RARB: variants seen among roughly 807,000 people sequenced by gnomAD.
RARB encodes the protein HBV-activated protein.
In RARB, 17 loss-of-function variants were observed where a neutral mutation model predicts 51.9. That is an observed-to-expected ratio of 0.33 (90% CI 0.22 to 0.49). RARB has a LOEUF of 0.49. Among genes scored for constraint, RARB ranks in the 20% least tolerant of loss-of-function variants. RARB has a pLI of 0.99. For missense variants in RARB, 369 were observed against 550.8 expected (o/e 0.67, Z 3.30); for synonymous variants, 215 against 195.4 (o/e 1.10, Z -0.84).
intron 3 of RARB, among the ~76,000 whole-genome samples, chr3:25,540,885 C>T (rs892690502): frequency 1.1e-5 from 1 of 93,920 alleles, no homozygotes; most frequent in Non-Finnish European, 1.9e-5. Context: ...GGGGCTTCCT[C>T]CTTAATGGCT....
chr3:25,464,202 A>G (rs1314007754), intron 2 of RARB, among the ~76,000 whole-genome samples: 1 of 152,168 alleles, frequency 6.6e-6, no homozygotes, highest in Non-Finnish European at 1.5e-5. Flanking sequence ...ACCTGCTCTC[A>G]TCATTATCCA....
At chr3:24,860,026 C>A (rs557192355) in intron 2 of RARB, among the ~76,000 whole-genome samples, 2 of 152,258 alleles carry the variant, frequency 1.3e-5, no homozygotes, top group Admixed American at 6.5e-5. Context: ...GCTGACCTAC[C>A]TTTACATCAA....
intron 5 of RARB, among the ~76,000 whole-genome samples, chr3:25,585,110 C>A (rs139076244): frequency 3.4e-4 from 52 of 152,250 alleles, no homozygotes; most frequent in Non-Finnish European, 6.3e-4. Flanking sequence ...AAAGTTACTT[C>A]CCTCTCTGAG....
chr3:25,490,247 A>G (rs1696665252), intron 2 of RARB, among the ~76,000 whole-genome samples: 1 of 152,178 alleles, frequency 6.6e-6, no homozygotes, highest in African/African-American at 2.4e-5. Context: ...CCTGAAAATT[A>G]AATAGACTTG....
chr3:25,487,512 T>G (rs536092020), intron 2 of RARB, among the ~76,000 whole-genome samples: 1 of 151,506 alleles, frequency 6.6e-6, no homozygotes, highest in Admixed American at 6.6e-5. Context: ...GGACACCTAA[T>G]GCGGAATGGT....
chr3:25,219,486 C>T (rs1701900350), intron 5 of RARB, among the ~76,000 whole-genome samples: 1 of 152,110 alleles, frequency 6.6e-6, no homozygotes, highest in Non-Finnish European at 1.5e-5. Flanking sequence ...CAAAAATCAA[C>T]AATTTGCTTT....
At chr3:25,353,152 G>C (rs1182506415) in intron 5 of RARB, among the ~76,000 whole-genome samples, 4 of 151,130 alleles carry the variant, frequency 2.6e-5, no homozygotes, top group African/African-American at 7.4e-5. Flanking sequence ...TTAGACCCAT[G>C]ATAACAGAGT....
At chr3:25,093,023 G>C (rs75495962) in intron 3 of RARB, among the ~76,000 whole-genome samples, 1 of 152,140 alleles carries the variant, frequency 6.6e-6, no homozygotes, top group African/African-American at 2.4e-5. Context: ...CCTACTTAGA[G>C]CACAGGTGTT....
chr3:25,448,628 C>T (rs1409695469), intron 1 of RARB, among the ~76,000 whole-genome samples: 3 of 152,072 alleles, frequency 2.0e-5, no homozygotes, highest in African/African-American at 7.2e-5. Context: ...CCACCACACC[C>T]AGCTAATTTT....
intron 5 of RARB, among the ~76,000 whole-genome samples, chr3:25,349,111 C>A (rs374888144): frequency 1.3e-5 from 2 of 152,176 alleles, no homozygotes; most frequent in African/African-American, 4.8e-5. Flanking sequence ...CCACACTATC[C>A]GTTACCCTTC....
At chr3:25,352,946 G>A (rs921951286) in intron 5 of RARB, among the ~76,000 whole-genome samples, 2 of 152,142 alleles carry the variant, frequency 1.3e-5, no homozygotes, top group Non-Finnish European at 2.9e-5. Flanking sequence ...TAACATAAAT[G>A]ATCATGACTA....
intron 2 of RARB, among the ~76,000 whole-genome samples, chr3:24,919,703 C>A (rs975448438): frequency 6.6e-6 from 1 of 152,322 alleles, no homozygotes; most frequent in African/African-American, 2.4e-5. Flanking sequence ...GGTATCTTTT[C>A]TAAAAGGACC....
chr3:24,890,103 TTAC>T (rs1362735347), intron 2 of RARB, among the ~76,000 whole-genome samples: 1 of 152,212 alleles, frequency 6.6e-6, no homozygotes, highest in Non-Finnish European at 1.5e-5. Flanking sequence ...TGACTTAGGC[TTAC>T]TACTATTTGT....
intron 2 of RARB, among the ~76,000 whole-genome samples, chr3:24,874,655 C>A (rs1392670263): frequency 6.6e-6 from 1 of 151,832 alleles, no homozygotes; most frequent in Non-Finnish European, 1.5e-5. Context: ...CTATTTTCTA[C>A]TTCCAATTTT....
At chr3:25,375,311 AAT>A (rs1178970378) in intron 5 of RARB, among the ~76,000 whole-genome samples, 7 of 152,180 alleles carry the variant, frequency 4.6e-5, no homozygotes, top group Admixed American at 3.9e-4. Flanking sequence ...ATTACCTCAT[AAT>A]GATGATCTGT....
chr3:25,305,228 G>A (rs1704127398), intron 5 of RARB, among the ~76,000 whole-genome samples: 2 of 152,024 alleles, frequency 1.3e-5, no homozygotes, highest in South Asian at 4.2e-4. Context: ...TCTTCTGTTT[G>A]CAAATGTATC....
At chr3:25,532,206 A>G (rs1698958288) in intron 3 of RARB, among the ~76,000 whole-genome samples, 3 of 152,218 alleles carry the variant, frequency 2.0e-5, no homozygotes, top group Non-Finnish European at 2.9e-5. Context: ...TTCCATAATT[A>G]TGGTGTGCTA....
intron 1 of RARB, among the ~76,000 whole-genome samples, chr3:24,840,036 A>G (rs1233962390): frequency 3.3e-5 from 5 of 152,180 alleles, no homozygotes; most frequent in Non-Finnish European, 7.4e-5. Flanking sequence ...TCTACCACTC[A>G]CCAGATAAAT....
chr3:25,516,631 CT>C (rs559135603), intron 3 of RARB, among the ~76,000 whole-genome samples: 294 of 131,410 alleles, frequency 2.2e-3, no homozygotes, highest in Admixed American at 2.2e-3. Flanking sequence ...ATTTCCTTGT[CT>C]TTTTTTTTTT....
Sources: gnomAD v4.1 joint callset for allele counts (sites outside exome capture counted in the v4.1 genomes callset) on GRCh38, gnomAD v4.1.1 for gene constraint, MANE v1.5 for transcripts, NCBI Gene and HGNC (gene_info 2026-07-23, HGNC 2026-07-21) for gene names.